The following AGTPBP1 variants were observed in gnomAD, a reference collection of about 807,000 sequenced individuals.
AGTPBP1 encodes ATP/GTP binding carboxypeptidase 1.
A neutral mutation model predicts 143.9 loss-of-function variants in AGTPBP1; 70 were observed. The observed-to-expected ratio is 0.49, with a 90% CI of 0.40 to 0.59. AGTPBP1 has a LOEUF of 0.59. Ranked by LOEUF, AGTPBP1 falls within the 20% of genes least tolerant of loss-of-function variation. The pLI is 0.00. For synonymous variants in AGTPBP1, 463 were observed against 500.2 expected (o/e 0.93, Z 0.99); for missense variants, 1,229 against 1,464.5 (o/e 0.84, Z 2.62).
chr9:85,596,366 AG>A lies in AGTPBP1; in HGVS notation c.2418del (p.Tyr807IlefsTer84). The A allele has an allele frequency of 6.3e-7, 1 of 1,596,846 alleles. No individual in the cohort carries two copies. The highest frequency in any genetic ancestry group is 8.6e-7 in the Non-Finnish European group (1 of 1,168,290). ...TAATATTCTTAAAATACTTACTTAT[AG>A]TAACAAATGTCAGTCCCCATACGAA... ...WWIRMGTDIC[Y>X]YKNHFSRSSV... On this transcript the variant is annotated frameshift_variant, in exon 18 of 26. Transcript: ENST00000357081. LOFTEE classifies it high-confidence loss of function.
At chr9:85,671,312 T>G (rs1458505082) in intron 7 of AGTPBP1, among the ~76,000 whole-genome samples, 2 of 152,186 alleles carry the variant, frequency 1.3e-5, no homozygotes, top group Non-Finnish European at 2.9e-5. Context: ...CTAATGCATA[T>G]TTTTCCTTTT....
At chr9:85,749,827 A>G in the AGTPBP1 span, among the ~76,000 whole-genome samples, 5 of 152,320 alleles carry the variant, frequency 3.3e-5, no homozygotes, top group East Asian at 9.7e-4. Flanking sequence ...CAATGTAAGA[A>G]AAAAGGCATT....
chr9:85,635,234 T>C (rs1831964582), intron 13 of AGTPBP1, among the ~76,000 whole-genome samples: 2 of 152,194 alleles, frequency 1.3e-5, no homozygotes, highest in Admixed American at 6.5e-5. Context: ...TTAATCTGGG[T>C]TAATTTCCTT....
chr9:85,595,922 C>T (rs1829275992), intron 18 of AGTPBP1, among the ~76,000 whole-genome samples: 1 of 152,056 alleles, frequency 6.6e-6, no homozygotes, highest in Admixed American at 6.6e-5. Context: ...GAACACATCT[C>T]CAGTTAACAT....
At chr9:85,641,384 G>C (rs139846160) in intron 13 of AGTPBP1, among the ~76,000 whole-genome samples, 1 of 152,082 alleles carries the variant, frequency 6.6e-6, no homozygotes, top group Admixed American at 6.5e-5. Flanking sequence ...AAGAGCTCAC[G>C]GATAACTGCT....
Position 85,579,152 on chromosome 9 carries a change from T to C in AGTPBP1, c.3166-56A>G, listed in dbSNP as rs1220766513. The C allele has an allele frequency of 2.7e-6, 4 of 1,502,028 alleles. No individual in the cohort carries two copies. In the African/African-American group the frequency reaches 5.8e-5, roughly 22 times the overall value. The allele number at this position is 1,502,028 out of a possible 1,614,324, so 93.0% of individuals were successfully genotyped here. On this transcript the variant is annotated intron_variant, in intron 23 of 25. Transcript: ENST00000357081. ...TAAACCAAGTTTTTAATTTTAAATG[T>C]TTTTAATTTTAAAAAGTTTTGATGA...
intron 25 of AGTPBP1, among the ~76,000 whole-genome samples, chr9:85,554,916 T>C (rs1826242718): frequency 6.6e-6 from 1 of 152,134 alleles, no homozygotes; most frequent in South Asian, 2.1e-4. Context: ...GAAAAATATA[T>C]AACTGAAATT....
At chr9:85,701,113 T>C (rs1025856209) in intron 2 of AGTPBP1, among the ~76,000 whole-genome samples, 2 of 152,032 alleles carry the variant, frequency 1.3e-5, no homozygotes, top group Non-Finnish European at 2.9e-5. Flanking sequence ...TGTTTCACCA[T>C]GTTGGCCAGG....
intron 14 of AGTPBP1, among the ~76,000 whole-genome samples, chr9:85,623,757 A>G (rs1831096837): frequency 1.6e-5 from 2 of 124,418 alleles, no homozygotes. Context: ...ACTCTGTCTC[A>G]AAAAAAAAAA....
chr9:85,592,796 A>G, intron 18 of AGTPBP1, 92 bp from the exon 19 acceptor site: 2 of 1,471,150 alleles, frequency 1.4e-6, no homozygotes, highest in Non-Finnish European at 1.9e-6. Context: ...CAGGGAAAAA[A>G]GAAAAACCCG....
chr9:85,707,989 C>G (rs1313531820), intron 2 of AGTPBP1, among the ~76,000 whole-genome samples: 1 of 152,114 alleles, frequency 6.6e-6, no homozygotes, highest in Non-Finnish European at 1.5e-5. Flanking sequence ...GTGTAACAAA[C>G]CACCATGGCA....
rs565139712 is a variant in AGTPBP1 at position 85,618,049 on chromosome 9, G to A, written c.2335+934C>T. Among the ~76,000 whole-genome samples the A allele has an allele frequency of 5.8e-3, 879 of 152,186 alleles. 8 individuals are homozygous for A. Among genetic ancestry groups the A allele is most frequent in the Non-Finnish European group, 6.8e-3 (465 of 68,000 alleles). Reference sequence around the variant, plus strand: ...GAGGTCAGGAGTGCGAGACCAGCCTGGCCAACATGGTGAAACCCCATCTCT... The same window carrying A: ...GAGGTCAGGAGTGCGAGACCAGCCTAGCCAACATGGTGAAACCCCATCTCT... On this transcript the variant is annotated intron_variant, in intron 17 of 25. Coordinates refer to ENST00000357081, the MANE Select transcript of AGTPBP1 (RefSeq NM_001330701.2).
chr9:85,720,218 A>T (rs1446304613), intron 1 of AGTPBP1, among the ~76,000 whole-genome samples: 1 of 152,120 alleles, frequency 6.6e-6, no homozygotes, highest in African/African-American at 2.4e-5. Context: ...ATTGATTGGA[A>T]CAGTTTCAGA....
intron 3 of AGTPBP1, among the ~76,000 whole-genome samples, chr9:85,682,431 A>G (rs561338543): frequency 2.0e-5 from 3 of 152,204 alleles, no homozygotes; most frequent in Non-Finnish European, 4.4e-5. Flanking sequence ...AAATCTGTAC[A>G]AGTCGCTGAG....
the AGTPBP1 span, among the ~76,000 whole-genome samples, chr9:85,805,070 C>T: frequency 2.6e-5 from 4 of 152,172 alleles, no homozygotes; most frequent in African/African-American, 9.6e-5. Flanking sequence ...TCCCTGTGAC[C>T]CCGAAGACCG....
the AGTPBP1 span, among the ~76,000 whole-genome samples, chr9:85,775,395 A>G: frequency 6.6e-6 from 1 of 151,626 alleles, no homozygotes. Flanking sequence ...TCATGCCTGT[A>G]ATCCCAGCAT....
chr9:85,706,503 C>T (rs1328209261), intron 2 of AGTPBP1, among the ~76,000 whole-genome samples: 7 of 132,468 alleles, frequency 5.3e-5, no homozygotes, highest in Non-Finnish European at 1.1e-4. Context: ...TGGTGGGACT[C>T]TGTCTCAAAA....
chr9:85,546,862 T>TG lies in AGTPBP1; in HGVS notation c.*246_*247insC. ...CATGCAATGATACTCAGGTTTTTTTTTTAAAGGTAAATCCAATATTTGATC... is the reference window on the plus strand; with the variant it reads ...CATGCAATGATACTCAGGTTTTTTTTGTTAAAGGTAAATCCAATATTTGATC... On this transcript the variant is annotated 3_prime_UTR_variant, in exon 26 of 26. Coordinates refer to ENST00000357081, the MANE Select transcript of AGTPBP1 (RefSeq NM_001330701.2). 3.4e-6 allele frequency: 1 copy of TG among 291,010 alleles called. No homozygotes were observed. The highest frequency in any genetic ancestry group is 1.1e-4 in the South Asian group (1 of 9,200). 18.0% of individuals were successfully genotyped at this position (291,010 alleles called of 1,614,324 possible). A position where few individuals can be genotyped will look rare whatever the true frequency, so the allele number is the denominator to read the frequency against.
At chr9:85,748,683 A>G in the AGTPBP1 span, among the ~76,000 whole-genome samples, 89 of 152,332 alleles carry the variant, frequency 5.8e-4, no homozygotes, top group Non-Finnish European at 1.0e-3. Flanking sequence ...TGCATATCCA[A>G]TGAACCACTA....
Sources: allele counts gnomAD v4.1 joint callset (sites outside exome capture counted in the v4.1 genomes callset), GRCh38; gene constraint gnomAD v4.1.1; transcripts MANE v1.5; gene names NCBI Gene and HGNC (gene_info 2026-07-23, HGNC 2026-07-21).